Variants in MEGF10 observed in about 807,000 individuals in gnomAD.
The protein encoded by MEGF10 is multiple EGF like domains 10, also known as multiple epidermal growth factor-like domains protein 10.
In MEGF10, 86 loss-of-function variants were observed where a neutral mutation model predicts 147.5. That is an observed-to-expected ratio of 0.58 (90% CI 0.49 to 0.70). The LOEUF (loss-of-function observed/expected upper bound fraction) is 0.70. Ranked by LOEUF, MEGF10 falls within the 30% of genes least tolerant of loss-of-function variation. The pLI is 0.00. For synonymous variants in MEGF10, 478 were observed against 525.5 expected (o/e 0.91, Z 1.24); for missense variants, 1,329 against 1,487.3 (o/e 0.89, Z 1.75).
intron 1 of MEGF10, among the ~76,000 whole-genome samples, chr5:127,312,559 G>C (rs920757112): frequency 6.6e-6 from 1 of 152,160 alleles, no homozygotes; most frequent in Admixed American, 6.5e-5. Context: ...TTACATCTCT[G>C]TAAGGACTTT....
At chr5:127,298,766 A>G (rs1194523240) in intron 1 of MEGF10, among the ~76,000 whole-genome samples, 1 of 152,176 alleles carries the variant, frequency 6.6e-6, no homozygotes, top group Non-Finnish European at 1.5e-5. Flanking sequence ...TTGAAGGGAC[A>G]ATGGCTGTAA....
chr5:127,255,121 T>C, the MEGF10 span, among the ~76,000 whole-genome samples: 1 of 151,898 alleles, frequency 6.6e-6, no homozygotes, highest in African/African-American at 2.4e-5. Context: ...TGAGTCAGCC[T>C]CTGGGTGGGG....
the MEGF10 span, among the ~76,000 whole-genome samples, chr5:127,257,636 T>A: frequency 6.6e-6 from 1 of 152,162 alleles, no homozygotes; most frequent in Non-Finnish European, 1.5e-5. Context: ...TCAATTTAGA[T>A]GTTTATTTTG....
At chr5:127,241,659 A>T in the MEGF10 span, among the ~76,000 whole-genome samples, 1 of 152,162 alleles carries the variant, frequency 6.6e-6, no homozygotes, top group East Asian at 1.9e-4. Flanking sequence ...TGCAAAAGTA[A>T]TTGTGGTTTT....
intron 13 of MEGF10, among the ~76,000 whole-genome samples, chr5:127,432,592 A>G (rs1308038100): frequency 6.6e-6 from 1 of 152,246 alleles, no homozygotes; most frequent in Non-Finnish European, 1.5e-5. Flanking sequence ...ACGAATGTAC[A>G]GAAGAGACTT....
chr5:127,424,027 C>T (rs1430823057), intron 13 of MEGF10, among the ~76,000 whole-genome samples: 2 of 152,098 alleles, frequency 1.3e-5, no homozygotes, highest in Non-Finnish European at 2.9e-5. Flanking sequence ...GATATTTGAT[C>T]CATTCTGAGG....
intron 5 of MEGF10, among the ~76,000 whole-genome samples, chr5:127,370,885 G>C (rs1018866356): frequency 6.6e-6 from 1 of 152,144 alleles, no homozygotes; most frequent in African/African-American, 2.4e-5. Context: ...TTTTGAAAAA[G>C]GAAGCCATCG....
In MEGF10 at chr5:127,402,679, A is replaced by T. The variant is rs902150958; in HGVS notation, c.914A>T (p.Glu305Val). 1.2e-6 allele frequency: 2 copies of T among 1,613,856 alleles called. No individual in the cohort carries two copies. The highest frequency in any genetic ancestry group is 1.7e-5 in the Admixed American group (1 of 59,988). The change falls in exon 8 of 25, where the codon GAA (glutamate) becomes GTA (valine). Residue 305 changes from glutamate to valine, a missense_variant. By Grantham distance (121) the Glu-to-Val change is moderately radical. Transcript: ENST00000503335. ...QCHCSPGYTG[E>V]RCQDECPVGT... ...CATTGCAGTCCAGGATACACAGGGGAACGGTAAGGGATGCCCTTGTATTTC... is the reference window on the plus strand; with the variant it reads ...CATTGCAGTCCAGGATACACAGGGGTACGGTAAGGGATGCCCTTGTATTTC...
At chr5:127,381,339 G>A (rs534722905) in intron 5 of MEGF10, among the ~76,000 whole-genome samples, 3 of 152,152 alleles carry the variant, frequency 2.0e-5, no homozygotes, top group South Asian at 4.2e-4. Flanking sequence ...ATAACAGCCC[G>A]GTTTAAAAGA....
intron 1 of MEGF10, among the ~76,000 whole-genome samples, chr5:127,313,652 T>C (rs1760394616): frequency 6.6e-6 from 1 of 152,212 alleles, no homozygotes; most frequent in East Asian, 1.9e-4. Flanking sequence ...AACCTTTTCC[T>C]CCATTGATGT....
At chr5:127,402,487 A>G (rs780392666) in intron 7 of MEGF10, 59 bp from the exon 8 acceptor site, 55 of 1,565,634 alleles carry the variant, frequency 3.5e-5, no homozygotes, top group Non-Finnish European at 4.6e-5. Context: ...TTCTTCATCC[A>G]TCAGTTGTCT....
intron 2 of MEGF10, among the ~76,000 whole-genome samples, chr5:127,333,296 A>G (rs1473735266): frequency 1.3e-5 from 2 of 152,066 alleles, no homozygotes; most frequent in Admixed American, 6.6e-5. Flanking sequence ...CAGATAGATC[A>G]CTTGAGGCCA....
intron 1 of MEGF10, among the ~76,000 whole-genome samples, chr5:127,294,133 T>C (rs186660098): frequency 1.9e-3 from 289 of 152,352 alleles, no homozygotes; most frequent in Middle Eastern, 0.014. Flanking sequence ...CAAATCCCTT[T>C]GAAGACTTTC....
chr5:127,264,802 T>A, the MEGF10 span, among the ~76,000 whole-genome samples: 1 of 152,294 alleles, frequency 6.6e-6, no homozygotes, highest in East Asian at 1.9e-4. Flanking sequence ...AACTCTTTTT[T>A]AAAATTTCCA....
intron 6 of MEGF10, among the ~76,000 whole-genome samples, chr5:127,397,141 G>T (rs774540324): frequency 2.6e-5 from 4 of 152,146 alleles, no homozygotes; most frequent in Non-Finnish European, 5.9e-5. Context: ...TATACTGCTG[G>T]TTGTTAATGG....
In MEGF10 at chr5:127,393,249, C is replaced by T. The variant is rs148824643; in HGVS notation, c.413-3283C>T. ...AGATAGTTTGAATTCAGACCTTCTC[C>T]GAGCTGTCTCTCCAAATGTGGTACT... is the stretch of plus-strand genomic sequence containing the variant. On this transcript the variant is annotated intron_variant, in intron 5 of 24. Coordinates refer to ENST00000503335, the MANE Select transcript of MEGF10 (RefSeq NM_001256545.2). Among the ~76,000 whole-genome samples, 349 of 152,264 alleles carry T rather than the reference C, an allele frequency of 2.3e-3. 2 individuals are homozygous for T. The highest frequency in any genetic ancestry group is 0.01 in the Middle Eastern group (3 of 294).
chr5:127,422,779 G>C lies in MEGF10; in HGVS notation c.1693+7G>C. On this transcript the variant is annotated splice_region_variant and intron_variant, in intron 13 of 24. Coordinates refer to ENST00000503335, the MANE Select transcript of MEGF10 (RefSeq NM_001256545.2). Reference sequence around the variant, plus strand: ...TGCCTCCCCGGATGGTCAGGTGAGAGCCAAGGACCGCTAATTGAAAGGTGA... The same window carrying C: ...TGCCTCCCCGGATGGTCAGGTGAGACCCAAGGACCGCTAATTGAAAGGTGA... The C allele has an allele frequency of 6.2e-7, 1 of 1,610,226 alleles. No individual in the cohort carries two copies. The highest frequency in any genetic ancestry group is 8.5e-7 in the Non-Finnish European group (1 of 1,177,034).
At chr5:127,369,382 T>C (rs1399727838) in intron 4 of MEGF10, among the ~76,000 whole-genome samples, 1 of 152,212 alleles carries the variant, frequency 6.6e-6, no homozygotes, top group Non-Finnish European at 1.5e-5. Context: ...TCAAATATTC[T>C]CCTCAACAGA....
At chr5:127,385,513 T>A (rs1013506075) in intron 5 of MEGF10, among the ~76,000 whole-genome samples, 7 of 152,314 alleles carry the variant, frequency 4.6e-5, no homozygotes, top group Admixed American at 2.6e-4. Context: ...CCTCAGGTGA[T>A]CTGCCCGACT....
Sources: gnomAD v4.1 joint callset for allele counts (sites outside exome capture counted in the v4.1 genomes callset) on GRCh38, gnomAD v4.1.1 for gene constraint, MANE v1.5 for transcripts, NCBI Gene and HGNC (gene_info 2026-07-23, HGNC 2026-07-21) for gene names.